The following TXNL4A variants were observed in gnomAD, a reference collection of about 807,000 sequenced individuals.
The protein encoded by TXNL4A is thioredoxin-like protein 4A.
TXNL4A carries 17 observed loss-of-function variants against 14.6 expected under a neutral mutation model. The observed-to-expected ratio is 1.16, with a 90% confidence interval of 0.80 to 1.74. The LOEUF (loss-of-function observed/expected upper bound fraction) is 1.74, where lower values mean the gene tolerates loss of function less well. Among genes scored for constraint, TXNL4A ranks in the 40% most tolerant of loss-of-function variants. TXNL4A has a pLI of 0.00. For synonymous variants in TXNL4A, 83 were observed against 70.6 expected (o/e 1.18, Z -0.88); for missense variants, 74 against 195.2 (o/e 0.38, Z 3.70).
chr18:80,016,235 T>G (rs1387963026), intron 1 of TXNL4A, among the ~76,000 whole-genome samples: 1 of 152,230 alleles, frequency 6.6e-6, no homozygotes, highest in Non-Finnish European at 1.5e-5. Context: ...TAAATTTGTT[T>G]GAGTTCATTG....
chr18:79,996,026 C>A lies in TXNL4A; in HGVS notation c.-60-18325G>T, dbSNP rs1280747298. 3.6e-5 allele frequency among the ~76,000 whole-genome samples: 5 copies of A among 138,362 alleles called. No homozygotes were observed. The Admixed American group carries it at 4.1e-4, about 11-fold the overall frequency. 90.8% of individuals were successfully genotyped at this position (138,362 alleles called of 152,430 possible). On this transcript the variant is annotated intron_variant, in intron 1 of 2. Transcript: ENST00000585474. ...GGCTGAGGCAGGAGAATGGCGTGAA[C>A]CTGGGAGGCGGAGCTTGCAGTGAGC...
chr18:79,976,960 T>C (rs1174902970), intron 2 of TXNL4A, among the ~76,000 whole-genome samples: 1 of 57,506 alleles, frequency 1.7e-5, no homozygotes, highest in Admixed American at 2.1e-4. Context: ...ATAAATTAGG[T>C]TTTTGATTTT....
intron 1 of TXNL4A, among the ~76,000 whole-genome samples, chr18:79,996,581 ATC>A (rs1224734739): frequency 6.6e-6 from 1 of 152,198 alleles, no homozygotes; most frequent in African/African-American, 2.4e-5. Context: ...TAATGCTCAT[ATC>A]TCTTTTTCAT....
At chr18:79,994,019 C>T (rs1276878363) in intron 1 of TXNL4A, among the ~76,000 whole-genome samples, 2 of 152,174 alleles carry the variant, frequency 1.3e-5, no homozygotes, top group Non-Finnish European at 2.9e-5. Flanking sequence ...CACATCCCAA[C>T]TTGGTTGAAT....
At chr18:80,021,232 A>G (rs887381420) in intron 1 of TXNL4A, among the ~76,000 whole-genome samples, 6 of 151,776 alleles carry the variant, frequency 4.0e-5, no homozygotes, top group Admixed American at 3.9e-4. Flanking sequence ...GCTGGACTAC[A>G]GTGCCATGAT....
chr18:79,996,014 G>A (rs1301563998), intron 1 of TXNL4A, among the ~76,000 whole-genome samples: 1 of 141,304 alleles, frequency 7.1e-6, no homozygotes, highest in East Asian at 2.3e-4. Flanking sequence ...TGAGGCAGGA[G>A]AATGGCGTGA....
chr18:80,027,583 C>T (rs2051893209), intron 1 of TXNL4A, among the ~76,000 whole-genome samples: 1 of 152,204 alleles, frequency 6.6e-6, no homozygotes, highest in South Asian at 2.1e-4. Context: ...CAAGGGTATA[C>T]ACAAAGTCCC....
intron 1 of TXNL4A, among the ~76,000 whole-genome samples, chr18:80,018,532 T>G (rs1395149420): frequency 1.3e-5 from 2 of 152,032 alleles, no homozygotes; most frequent in Admixed American, 1.3e-4. Flanking sequence ...CTTCAAAAAA[T>G]TAATGAATCC....
intron 2 of TXNL4A, 172 bp downstream of exon 2, chr18:79,977,426 C>T: frequency 1.7e-6 from 1 of 581,318 alleles, no homozygotes; most frequent in Non-Finnish European, 3.0e-6. Context: ...AGAATTGTTA[C>T]TTTGAAAATT....
At chr18:80,005,587 G>A (rs1316182101) in intron 1 of TXNL4A, among the ~76,000 whole-genome samples, 1 of 152,144 alleles carries the variant, frequency 6.6e-6, no homozygotes, top group East Asian at 1.9e-4. Flanking sequence ...CTTATAGCAG[G>A]GCTTCTCAGT....
At chr18:79,977,872 C>A in intron 1 of TXNL4A, 171 bp from the exon 2 acceptor site, 1 of 594,030 alleles carries the variant, frequency 1.7e-6, no homozygotes, top group Non-Finnish European at 3.0e-6. Context: ...ATGGTGCAAT[C>A]AGCTCACTGC....
At chr18:80,014,841 T>C (rs1467922057) in intron 1 of TXNL4A, among the ~76,000 whole-genome samples, 2 of 152,240 alleles carry the variant, frequency 1.3e-5, no homozygotes, top group Admixed American at 6.5e-5. Flanking sequence ...CAGCAAACTT[T>C]TGTCTGGGCA....
upstream of TXNL4A, among the ~76,000 whole-genome samples, chr18:79,992,876 TAAAAAAAA>T (rs59567705): frequency 2.5e-3 from 199 of 78,624 alleles, 1 homozygote; most frequent in African/African-American, 7.4e-3. Flanking sequence ...TCATCTTATG[TAAAAAAAA>T]AAAAAAAAAA....
At chr18:80,009,204 C>T (rs530892834) in intron 1 of TXNL4A, among the ~76,000 whole-genome samples, 57 of 152,264 alleles carry the variant, frequency 3.7e-4, no homozygotes, top group Non-Finnish European at 6.2e-4. Context: ...TAAATTAAGC[C>T]ATCATCTTAC....
rs562217004 is a variant in TXNL4A, at chr18:80,016,304, T to C, written c.-61+17547A>G. Among the ~76,000 whole-genome samples the C allele has an allele frequency of 1.3e-5, 2 of 152,230 alleles. 1 individual carries two copies. Among genetic ancestry groups the C allele is most frequent in the Non-Finnish European group, 2.9e-5 (2 of 68,046 alleles). The stretch of plus-strand genomic sequence containing the variant: ...TGGGTTGCGAAAATTTTCTCCCATT[T>C]TGTAGGCTGCCTGTTCACTCTGATG... On this transcript the variant is annotated intron_variant, in intron 1 of 2. Coordinates refer to the TXNL4A transcript ENST00000585474.
At chr18:80,019,933 G>A (rs142521831) in intron 1 of TXNL4A, among the ~76,000 whole-genome samples, 144 of 152,058 alleles carry the variant, frequency 9.5e-4, no homozygotes, top group African/African-American at 3.4e-3. Flanking sequence ...GCCAGCAGAG[G>A]GAACCCCAAG....
intron 1 of TXNL4A, among the ~76,000 whole-genome samples, chr18:80,029,451 G>T (rs1031712751): frequency 3.3e-5 from 5 of 152,150 alleles, no homozygotes; most frequent in Non-Finnish European, 2.9e-5. Flanking sequence ...TTGGGTTAAA[G>T]CTTTCCCTGC....
At chr18:79,990,027 G>T (rs1253979172), upstream of TXNL4A, among the ~76,000 whole-genome samples, 1 of 152,188 alleles carries the variant, frequency 6.6e-6, no homozygotes, top group Admixed American at 6.5e-5. Context: ...TGCAGATGCT[G>T]TGGTGTCTCT....
chr18:80,027,007 A>T (rs978788633), intron 1 of TXNL4A, among the ~76,000 whole-genome samples: 5 of 152,158 alleles, frequency 3.3e-5, no homozygotes, highest in Admixed American at 6.6e-5. Context: ...TGGAATAAAG[A>T]ATAGGAAATG....
Sources: allele counts gnomAD v4.1 joint callset (sites outside exome capture counted in the v4.1 genomes callset), GRCh38; gene constraint gnomAD v4.1.1; transcripts MANE v1.5; gene names NCBI Gene and HGNC (gene_info 2026-07-23, HGNC 2026-07-21).